The following FAM174A variants were observed in gnomAD, a reference collection of about 807,000 sequenced individuals.
FAM174A encodes the protein membrane protein FAM174A.
FAM174A carries 14 observed loss-of-function variants against 14.3 expected under a neutral mutation model. That is an observed-to-expected ratio of 0.98 (90% CI 0.65 to 1.53). The LOEUF is 1.53. Among genes scored for constraint, FAM174A ranks in the 40% most tolerant of loss-of-function variants. FAM174A has a pLI of 0.00. For missense variants in FAM174A, 241 were observed against 249.6 expected, an observed-to-expected ratio of 0.97 and a Z score of 0.23; for synonymous variants, 108 against 111.4, an observed-to-expected ratio of 0.97 and a Z score of 0.19.
At chr5:100,547,105 A>G (rs1430839376) in intron 1 of FAM174A, among the ~76,000 whole-genome samples, 1 of 152,122 alleles carries the variant, frequency 6.6e-6, no homozygotes, top group Non-Finnish European at 1.5e-5. Flanking sequence ...CATCCATCAC[A>G]ATCTAGCCTA....
chr5:100,564,196 C>G (rs1030900285), intron 2 of FAM174A, among the ~76,000 whole-genome samples: 6 of 151,864 alleles, frequency 4.0e-5, no homozygotes, highest in African/African-American at 1.2e-4. Flanking sequence ...CCAATTAAAC[C>G]TCTTTTCTTT....
intron 1 of FAM174A, among the ~76,000 whole-genome samples, chr5:100,538,207 A>G (rs966439060): frequency 3.7e-4 from 56 of 152,066 alleles, no homozygotes; most frequent in African/African-American, 1.3e-3. Context: ...GGTTTTCTTC[A>G]TTATCTTGGT....
chr5:100,551,206 C>T (rs952558076), intron 1 of FAM174A, among the ~76,000 whole-genome samples: 6 of 152,110 alleles, frequency 3.9e-5, no homozygotes, highest in Admixed American at 3.3e-4. Context: ...GTGATTGTGG[C>T]AGCCATGGAG....
chr5:100,540,420 A>T (rs577443999), intron 1 of FAM174A, among the ~76,000 whole-genome samples: 1 of 152,170 alleles, frequency 6.6e-6, no homozygotes, highest in East Asian at 1.9e-4. Context: ...ATAATTGTTC[A>T]TATCTCCTTG....
chr5:100,562,040 G>A lies in FAM174A; in HGVS notation c.435-14G>A. On this transcript the variant is annotated splice_polypyrimidine_tract_variant and intron_variant, in intron 1 of 2. Coordinates refer to ENST00000312637, the MANE Select transcript of FAM174A (RefSeq NM_198507.3). ...TTAAATAATTTTTATTCATTAATTTGTTCTATTTGATAGGATGAGAAGAAG... is the reference window on the plus strand; with the variant it reads ...TTAAATAATTTTTATTCATTAATTTATTCTATTTGATAGGATGAGAAGAAG... The A allele has an allele frequency of 6.9e-7, 1 of 1,458,140 alleles. No homozygotes were observed. Among genetic ancestry groups the A allele is most frequent in the South Asian group, 1.3e-5 (1 of 77,390 alleles). The allele number at this position is 1,458,140 out of a possible 1,614,324, so 90.3% of individuals were successfully genotyped here. A position where few individuals can be genotyped will look rare whatever the true frequency, so the allele number is the denominator to read the frequency against.
chr5:100,543,510 G>A (rs1746104740), intron 1 of FAM174A, among the ~76,000 whole-genome samples: 1 of 152,170 alleles, frequency 6.6e-6, no homozygotes, highest in Admixed American at 6.5e-5. Flanking sequence ...ACTGCAGAAA[G>A]TTCTATTGGG....
At chr5:100,568,199 G>A (rs1746704080) in intron 2 of FAM174A, among the ~76,000 whole-genome samples, 1 of 151,630 alleles carries the variant, frequency 6.6e-6, no homozygotes. Flanking sequence ...ACTTATTTTA[G>A]TGCACATGTT....
rs1395765711 is a variant in FAM174A at position 100,535,395 on chromosome 5, T to G, written c.-136T>G. On this transcript the variant is annotated 5_prime_UTR_variant, in exon 1 of 3. Transcript: ENST00000312637. ...GGGCAGCTGCCACTGCTGTAGCTTC[T>G]GCCACCTGCCACGACCGGGCCTCTC... The G allele has an allele frequency of 1.1e-6, 1 of 917,688 alleles. No individual in the cohort carries two copies. The highest frequency in any genetic ancestry group is 2.3e-5 in the Admixed American group (1 of 43,422). 56.8% of individuals were successfully genotyped at this position (917,688 alleles called of 1,614,324 possible).
chr5:100,571,298 T>A (rs968416044), intron 2 of FAM174A, among the ~76,000 whole-genome samples: 2 of 151,728 alleles, frequency 1.3e-5, no homozygotes, highest in African/African-American at 4.8e-5. Flanking sequence ...CCATTATTTC[T>A]TCCTTAAGTA....
In FAM174A at chr5:100,586,230, G is replaced by T; in HGVS notation, c.*46G>T. 1 of 1,375,164 alleles carries T rather than the reference G, an allele frequency of 7.3e-7. No homozygotes were observed. The highest frequency in any genetic ancestry group is 1.0e-6 in the Non-Finnish European group (1 of 998,300). 85.2% of individuals were successfully genotyped at this position (1,375,164 alleles called of 1,614,324 possible). On this transcript the variant is annotated 3_prime_UTR_variant, in exon 3 of 3. Transcript: ENST00000312637. ...GAACTTTATCTTTCTACAATGAAGA[G>T]TGGAATTTCTATGTTTAAGGAATAA...
chr5:100,583,331 T>C (rs925413326), intron 2 of FAM174A, among the ~76,000 whole-genome samples: 4 of 152,212 alleles, frequency 2.6e-5, no homozygotes, highest in African/African-American at 9.6e-5. Flanking sequence ...TTGATTTCTC[T>C]AAAACTGTTT....
chr5:100,571,906 G>T (rs1261350814), intron 2 of FAM174A, among the ~76,000 whole-genome samples: 2 of 151,792 alleles, frequency 1.3e-5, no homozygotes, highest in African/African-American at 4.8e-5. Flanking sequence ...ATATGTTACT[G>T]TACTGATTAT....
chr5:100,557,763 G>A (rs930197996), intron 1 of FAM174A, among the ~76,000 whole-genome samples: 28 of 151,968 alleles, frequency 1.8e-4, no homozygotes, highest in African/African-American at 6.5e-4. Flanking sequence ...AGTTTGTATT[G>A]CCATGGGATC....
chr5:100,552,909 T>C (rs1462029205), intron 1 of FAM174A, among the ~76,000 whole-genome samples: 1 of 152,108 alleles, frequency 6.6e-6, no homozygotes, highest in Non-Finnish European at 1.5e-5. Flanking sequence ...ATATAGCTTT[T>C]TTCTTTTGCC....
intron 1 of FAM174A, among the ~76,000 whole-genome samples, chr5:100,555,754 A>G (rs972169074): frequency 6.6e-6 from 1 of 151,654 alleles, no homozygotes; most frequent in Non-Finnish European, 1.5e-5. Context: ...TGTTCATATC[A>G]TTTGCCCAGT....
intron 2 of FAM174A, among the ~76,000 whole-genome samples, chr5:100,577,967 A>G (rs1200360922): frequency 1.3e-5 from 2 of 152,156 alleles, no homozygotes; most frequent in Admixed American, 6.5e-5. Flanking sequence ...GCAGTTTCAT[A>G]GAGAAAGAAG....
intron 1 of FAM174A, among the ~76,000 whole-genome samples, chr5:100,549,611 T>TG (rs1191944937): frequency 6.6e-6 from 1 of 151,792 alleles, no homozygotes; most frequent in African/African-American, 2.4e-5. Flanking sequence ...CTTTTGATTT[T>TG]TTTTTTTTTT....
At chr5:100,562,600 TTGTGTGCG>T (rs1746552005) in intron 2 of FAM174A, among the ~76,000 whole-genome samples, 2 of 150,924 alleles carry the variant, frequency 1.3e-5, no homozygotes, top group South Asian at 2.1e-4. Flanking sequence ...GCATGTGTGT[TTGTGTGCG>T]TGTGTGTTTG....
At chr5:100,547,284 C>T (rs957824493) in intron 1 of FAM174A, among the ~76,000 whole-genome samples, 1 of 152,048 alleles carries the variant, frequency 6.6e-6, no homozygotes, top group Non-Finnish European at 1.5e-5. Flanking sequence ...GTGGACATGA[C>T]AGATTGCATG....
Sources: gnomAD v4.1 joint callset for allele counts (sites outside exome capture counted in the v4.1 genomes callset) on GRCh38, gnomAD v4.1.1 for gene constraint, MANE v1.5 for transcripts, NCBI Gene and HGNC (gene_info 2026-07-23, HGNC 2026-07-21) for gene names.